Variants in ARMCX4 observed in about 807,000 individuals in gnomAD.
The protein encoded by ARMCX4 is armadillo repeat-containing X-linked protein 4.
A neutral mutation model predicts 34.7 loss-of-function variants in ARMCX4; 3 were observed. The observed-to-expected ratio is 0.09, with a 90% confidence interval of 0.04 to 0.22. The LOEUF (loss-of-function observed/expected upper bound fraction) is 0.22. ARMCX4 is among the 10% of genes least tolerant of loss of function. ARMCX4 has a pLI of 1.00. For missense variants in ARMCX4, 1,448 were observed against 1,720.8 expected (o/e 0.84, Z 2.81); for synonymous variants, 513 against 632.8 (o/e 0.81, Z 2.84).
chrX:101,432,738 A>G (rs1930157584), intron 2 of ARMCX4, among the ~76,000 whole-genome samples: 1 of 73,549 alleles, frequency 1.4e-5, no homozygotes, highest in Non-Finnish European at 3.1e-5. Flanking sequence ...ACACATATAT[A>G]CGTATATATA....
chrX:101,469,522 C>T (rs1932853339), intron 4 of ARMCX4, among the ~76,000 whole-genome samples: 1 of 112,006 alleles, frequency 8.9e-6, no homozygotes, highest in Non-Finnish European at 1.9e-5. Context: ...GCATGATACA[C>T]ACCAAACTAA....
At chrX:101,523,671 G>C (rs1934902127) in intron 11 of ARMCX4, among the ~76,000 whole-genome samples, 3 of 111,749 alleles carry the variant, frequency 2.7e-5, no homozygotes, top group Admixed American at 1.9e-4. Context: ...TCTCCAGGGT[G>C]TGGGCAGGTG....
At chrX:101,431,267 A>G (rs1929976728) in intron 2 of ARMCX4, among the ~76,000 whole-genome samples, 1 of 112,051 alleles carries the variant, frequency 8.9e-6, no homozygotes, top group Non-Finnish European at 1.9e-5. Flanking sequence ...GATACACAGT[A>G]TACCTGGGGG....
chrX:101,496,337 A>G (rs1359794577), downstream of ARMCX4, among the ~76,000 whole-genome samples: 4 of 110,381 alleles, frequency 3.6e-5, no homozygotes, highest in African/African-American at 1.3e-4. Flanking sequence ...GGGCGGGGAT[A>G]GGAGTGGTGA....
At chrX:101,446,224 G>A (rs782177497), downstream of ARMCX4, 1 of 111,694 alleles carries the variant, frequency 9.0e-6, no homozygotes, top group Non-Finnish European at 1.9e-5. Context: ...CAGCCACCCT[G>A]ATTTCTTGTC....
chrX:101,434,234 A>G (rs1158681675), intron 2 of ARMCX4, among the ~76,000 whole-genome samples: 2 of 105,267 alleles, frequency 1.9e-5, no homozygotes, highest in African/African-American at 3.4e-5. Flanking sequence ...GGTGTGAGCA[A>G]TGTGCCTGGT....
At chrX:101,428,211 A>G (rs1458091710) in intron 2 of ARMCX4, among the ~76,000 whole-genome samples, 3 of 112,417 alleles carry the variant, frequency 2.7e-5, no homozygotes, top group Non-Finnish European at 5.6e-5. Flanking sequence ...AAAGGAATAA[A>G]TCCTTCATAT....
At chrX:101,421,127 C>T (rs1164769063) in intron 2 of ARMCX4, among the ~76,000 whole-genome samples, 5 of 101,029 alleles carry the variant, frequency 4.9e-5, no homozygotes, top group Non-Finnish European at 7.8e-5. Flanking sequence ...CGCTTGAACC[C>T]GGGAGGCAGA....
At chrX:101,446,537 AC>A (rs1377564029), downstream of ARMCX4, among the ~76,000 whole-genome samples, 2 of 111,622 alleles carry the variant, frequency 1.8e-5, no homozygotes, top group Non-Finnish European at 3.8e-5. Context: ...ATAACAACTT[AC>A]CCCCGAACTT....
At position 101,492,513 on chromosome X, in the gene ARMCX4, T is replaced by C; in HGVS notation, c.3924T>C (p.Ser1308=). ...GTGGAGGGTCCTGGGCTGGGACTAGTGATCAATCTGGTGGTGGGTCCAAGC... is the reference window on the plus strand; with the variant it reads ...GTGGAGGGTCCTGGGCTGGGACTAGCGATCAATCTGGTGGTGGGTCCAAGC... ...QAGGGSWAGT[S]DQSGGGSKPR... The change falls in exon 6 of 6, where the codon AGT becomes AGC. Residue 1308 remains serine (S), a synonymous_variant. Coordinates refer to ENST00000423738, the MANE Select transcript of ARMCX4 (RefSeq NM_001256155.3). 4 of 1,145,677 alleles carry C rather than the reference T, an allele frequency of 3.5e-6. No homozygotes were observed. The highest frequency in any genetic ancestry group is 3.5e-6 in the Non-Finnish European group (3 of 868,282). 94.4% of individuals were successfully genotyped at this position (1,145,677 alleles called of 1,213,427 possible). A position where few individuals can be genotyped will look rare whatever the true frequency, so the allele number is the denominator to read the frequency against.
At chrX:101,470,024 G>T in intron 4 of ARMCX4, among the ~76,000 whole-genome samples, 1 of 112,049 alleles carries the variant, frequency 8.9e-6, no homozygotes, top group Non-Finnish European at 1.9e-5. Flanking sequence ...GCCCTGTTCC[G>T]CAAGTGTTCT....
rs147122927 is a variant in ARMCX4 at position 101,495,200 on chromosome X, A to G, written c.6611A>G (p.Asn2204Ser). The G allele has an allele frequency of 3.6e-4, 408 of 1,147,131 alleles. 2 individuals are homozygous for G. The African/African-American group carries it at 6.4e-3, about 18-fold the overall frequency. 94.5% of individuals were successfully genotyped at this position (1,147,131 alleles called of 1,213,427 possible). A position where few individuals can be genotyped will look rare whatever the true frequency, so the allele number is the denominator to read the frequency against. The change falls in exon 6 of 6, where the codon AAT becomes AGT. Residue 2204 changes from asparagine (N) to serine (S), a missense_variant. Coordinates refer to ENST00000423738, the MANE Select transcript of ARMCX4 (RefSeq NM_001256155.3). ...PSMTKDLLIA[N>S]APTSLINIFS... ...ATGACAAAAGACTTGCTCATTGCCAATGCACCAACATCACTGATTAACATT... is the reference window on the plus strand; with the variant it reads ...ATGACAAAAGACTTGCTCATTGCCAGTGCACCAACATCACTGATTAACATT...
At chrX:101,428,673 C>T (rs782580441) in intron 2 of ARMCX4, among the ~76,000 whole-genome samples, 1 of 111,285 alleles carries the variant, frequency 9.0e-6, no homozygotes, top group South Asian at 3.7e-4. Context: ...GCACATCAGG[C>T]ACTCATGCTG....
At chrX:101,432,933 T>TGTATACATAC (rs1930248840) in intron 2 of ARMCX4, among the ~76,000 whole-genome samples, 3 of 89,024 alleles carry the variant, frequency 3.4e-5, no homozygotes, top group East Asian at 3.6e-4. Context: ...CGTATATATA[T>TGTATACATAC]ACGTGTATAT....
intron 2 of ARMCX4, among the ~76,000 whole-genome samples, chrX:101,429,921 T>C (rs1161201492): frequency 8.9e-6 from 1 of 111,789 alleles, no homozygotes; most frequent in Admixed American, 9.6e-5. Context: ...GGCTTTTTTA[T>C]TGGCTTCCAC....
intron 4 of ARMCX4, among the ~76,000 whole-genome samples, chrX:101,468,655 C>G: frequency 9.2e-6 from 1 of 108,980 alleles, no homozygotes; most frequent in Non-Finnish European, 1.9e-5. Context: ...GCTCTGTCAC[C>G]TAGGCTGGAG....
intron 4 of ARMCX4, among the ~76,000 whole-genome samples, chrX:101,462,349 T>G (rs1243394635): frequency 9.0e-6 from 1 of 111,153 alleles, no homozygotes; most frequent in Non-Finnish European, 1.9e-5. Context: ...TTTATTAAGA[T>G]AAAAATTTGT....
chrX:101,437,857 A>G (rs782720743), intron 2 of ARMCX4, among the ~76,000 whole-genome samples: 3 of 111,649 alleles, frequency 2.7e-5, no homozygotes. Flanking sequence ...CTTTGTTCTC[A>G]TTGGTTTCAA....
intron 4 of ARMCX4, among the ~76,000 whole-genome samples, chrX:101,478,910 C>T (rs182624364): frequency 4.3e-4 from 47 of 110,314 alleles, no homozygotes; most frequent in African/African-American, 1.2e-3. Context: ...ATTACATTGA[C>T]GGGAAATGAA....
Sources: gnomAD v4.1 joint callset for allele counts (sites outside exome capture counted in the v4.1 genomes callset) on GRCh38, gnomAD v4.1.1 for gene constraint, MANE v1.5 for transcripts, NCBI Gene and HGNC (gene_info 2026-07-23, HGNC 2026-07-21) for gene names.